Variants in TESK2 observed in about 807,000 individuals in gnomAD.
TESK2 encodes the protein dual specificity testis-specific protein kinase 2.
In TESK2, 39 loss-of-function variants were observed where a neutral mutation model predicts 57.1. The observed-to-expected ratio is 0.68, with a 90% CI of 0.53 to 0.89. The LOEUF (loss-of-function observed/expected upper bound fraction) is 0.89, where lower values mean the gene tolerates loss of function less well. Among genes scored for constraint, TESK2 ranks in the 40% least tolerant of loss-of-function variants. The probability of loss-of-function intolerance (pLI) is 0.00; values close to 1 mark genes in which losing one functional copy is unlikely to be tolerated. For missense variants in TESK2, 646 were observed against 732.1 expected, an observed-to-expected ratio of 0.88 and a Z score of 1.36; for synonymous variants, 249 against 267.9, an observed-to-expected ratio of 0.93 and a Z score of 0.69.
At chr1:45,367,396 CG>C (rs932993967) in intron 4 of TESK2, among the ~76,000 whole-genome samples, 1 of 151,566 alleles carries the variant, frequency 6.6e-6, no homozygotes, top group Admixed American at 6.6e-5. Flanking sequence ...TTTGGTTCCT[CG>C]TTCTCCTTTT....
chr1:45,394,642 A>C (rs5773870), intron 3 of TESK2, among the ~76,000 whole-genome samples: 1 of 72,936 alleles, frequency 1.4e-5, no homozygotes, highest in Admixed American at 1.6e-4. Flanking sequence ...ATGACTGTTT[A>C]TCACTGCTCT....
intron 4 of TESK2, 109 bp from the exon 5 acceptor site, chr1:45,355,558 A>C: frequency 7.7e-7 from 1 of 1,290,496 alleles, no homozygotes; most frequent in Admixed American, 2.6e-5. Flanking sequence ...TTTTTTTTTT[A>C]AGTTACTGAG....
intron 1 of TESK2, among the ~76,000 whole-genome samples, chr1:45,484,888 G>C (rs7525766): frequency 6.6e-5 from 10 of 151,200 alleles, no homozygotes; most frequent in Non-Finnish European, 7.4e-5. Context: ...AAAATTAGCC[G>C]GGCCTGGTGG....
At position 45,471,464 on chromosome 1, in the gene TESK2, G is replaced by A. The variant is rs559401793; in HGVS notation, c.-86-13593C>T. 8.6e-5 allele frequency among the ~76,000 whole-genome samples: 13 copies of A among 152,008 alleles called. No individual in the cohort carries two copies. In the South Asian group the frequency reaches 2.7e-3, roughly 32 times the overall value. ...TCTGTTGCCCAGGCTGGAGAACAGTGGTGCGATCTCGGCTCACTGCAACCT... is the reference window on the plus strand; with the variant it reads ...TCTGTTGCCCAGGCTGGAGAACAGTAGTGCGATCTCGGCTCACTGCAACCT... On this transcript the variant is annotated intron_variant, in intron 1 of 10. Coordinates refer to ENST00000372086, the MANE Select transcript of TESK2 (RefSeq NM_007170.3).
At chr1:45,382,529 A>G (rs1000009900) in intron 4 of TESK2, among the ~76,000 whole-genome samples, 10 of 152,142 alleles carry the variant, frequency 6.6e-5, no homozygotes, top group Admixed American at 2.0e-4. Flanking sequence ...GTGAACTACC[A>G]TGCCCAGACT....
At chr1:45,449,230 A>G (rs1651774358) in intron 2 of TESK2, among the ~76,000 whole-genome samples, 1 of 151,888 alleles carries the variant, frequency 6.6e-6, no homozygotes, top group South Asian at 2.1e-4. Flanking sequence ...TCAAAAAAAA[A>G]AAAAAGAAAA....
chr1:45,355,380 T>A lies in TESK2; in HGVS notation c.463A>T (p.Lys155Ter). The change falls in exon 5 of 11, where the codon AAA (lysine) becomes TAA (stop). Residue 155 changes from lysine (K) to a stop codon, truncating the protein, a stop_gained. Transcript: ENST00000372086. LOFTEE classifies it high-confidence loss of function. ...NLHLPWTVRV[K>*]LAYDIAVGLS... ...CCCACTGCTATGTCATAGGCCAGTT[T>A]TACCCTCACAGTCCAAGGCAAATGC... 3 of 1,613,978 alleles carry A rather than the reference T, an allele frequency of 1.9e-6. No homozygotes were observed. The highest frequency in any genetic ancestry group is 2.5e-6 in the Non-Finnish European group (3 of 1,179,976).
chr1:45,432,998 G>A (rs1040316150), intron 2 of TESK2, among the ~76,000 whole-genome samples: 2 of 148,574 alleles, frequency 1.3e-5, no homozygotes, highest in African/African-American at 4.9e-5. Context: ...TCCTGAGCTT[G>A]GGCAATCTGC....
chr1:45,348,954 A>G (rs888437306), intron 5 of TESK2, among the ~76,000 whole-genome samples: 1 of 152,110 alleles, frequency 6.6e-6, no homozygotes, highest in Admixed American at 6.6e-5. Context: ...GTAAATAAAC[A>G]AAAAGCGGCA....
chr1:45,455,365 A>G (rs1652048362), intron 2 of TESK2, among the ~76,000 whole-genome samples: 1 of 152,184 alleles, frequency 6.6e-6, no homozygotes, highest in Non-Finnish European at 1.5e-5. Flanking sequence ...TCCCTGTCCC[A>G]TGACTTCATC....
chr1:45,368,048 G>A (rs1648012022), intron 4 of TESK2, among the ~76,000 whole-genome samples: 2 of 148,754 alleles, frequency 1.3e-5, no homozygotes, highest in South Asian at 4.2e-4. Flanking sequence ...AGGCTGGAGT[G>A]CAATGGCGCG....
intron 3 of TESK2, among the ~76,000 whole-genome samples, chr1:45,408,973 G>GTTACC (rs1412990975): frequency 6.6e-6 from 1 of 152,070 alleles, no homozygotes; most frequent in Non-Finnish European, 1.5e-5. Context: ...TTCAGGCCCA[G>GTTACC]TTACCCCTTA....
At chr1:45,487,572 G>T (rs1653534954) in intron 1 of TESK2, among the ~76,000 whole-genome samples, 1 of 152,030 alleles carries the variant, frequency 6.6e-6, no homozygotes, top group Non-Finnish European at 1.5e-5. Context: ...ATGAACTCTG[G>T]GCTGTCCAAT....
intron 3 of TESK2, among the ~76,000 whole-genome samples, chr1:45,399,828 A>G (rs1288823412): frequency 6.6e-6 from 1 of 152,202 alleles, no homozygotes; most frequent in Non-Finnish European, 1.5e-5. Flanking sequence ...AAAATGGGTA[A>G]TGAGCCGCAT....
intron 1 of TESK2, among the ~76,000 whole-genome samples, chr1:45,487,926 T>G (rs373323780): frequency 1.4e-4 from 21 of 150,456 alleles, no homozygotes; most frequent in East Asian, 1.9e-4. Context: ...AGCTCCTGAG[T>G]TTTTTTTTGC....
At chr1:45,426,699 C>G (rs1030323152) in intron 2 of TESK2, among the ~76,000 whole-genome samples, 11 of 151,734 alleles carry the variant, frequency 7.2e-5, no homozygotes, top group Admixed American at 3.9e-4. Flanking sequence ...ATCCATCTGA[C>G]AAAGGATTAA....
At chr1:45,478,189 T>C (rs938753938) in intron 1 of TESK2, among the ~76,000 whole-genome samples, 4 of 152,232 alleles carry the variant, frequency 2.6e-5, no homozygotes, top group African/African-American at 9.6e-5. Flanking sequence ...TCAATATCTA[T>C]GCATGTAATA....
intron 3 of TESK2, among the ~76,000 whole-genome samples, chr1:45,397,823 C>T (rs1649429498): frequency 6.6e-6 from 1 of 152,146 alleles, no homozygotes. Context: ...CTCAAGAACA[C>T]CTCCAAATAA....
At chr1:45,467,636 GTT>G (rs10579583) in intron 1 of TESK2, among the ~76,000 whole-genome samples, 49,025 of 148,712 alleles carry the variant, frequency 0.33, 8,941 homozygotes, top group African/African-American at 0.5. Context: ...GGCCTTCACA[GTT>G]TTTTTTTTTT....
Sources: allele counts gnomAD v4.1 joint callset (sites outside exome capture counted in the v4.1 genomes callset), GRCh38; gene constraint gnomAD v4.1.1; transcripts MANE v1.5; gene names NCBI Gene and HGNC (gene_info 2026-07-23, HGNC 2026-07-21).